The following ATF1 variants were observed in gnomAD, a reference collection of about 807,000 sequenced individuals.
ATF1 encodes the protein cyclic AMP-dependent transcription factor ATF-1.
A neutral mutation model predicts 34.7 loss-of-function variants in ATF1; 16 were observed. The observed-to-expected ratio is 0.46, with a 90% CI of 0.31 to 0.70. The LOEUF (loss-of-function observed/expected upper bound fraction) is 0.70. Among genes scored for constraint, ATF1 ranks in the 30% least tolerant of loss-of-function variants. ATF1 has a pLI of 0.05. For synonymous variants in ATF1, 105 were observed against 113.1 expected (o/e 0.93, Z 0.46); for missense variants, 255 against 321.6 (o/e 0.79, Z 1.58).
At position 50,780,165 on chromosome 12, in the gene ATF1, G is replaced by C; in HGVS notation, c.20G>C (p.Ser7Thr). Residue 7 changes from serine (S) to threonine (T), a missense_variant, in exon 2 of 7, where the codon AGT becomes ACT. Ser to Thr is a moderately conservative substitution (Grantham distance 58). Around this residue, in one of 2 missense-constraint regions of ATF1, gnomAD observed 221 missense variants for 250.7 expected, o/e 0.88. Coordinates refer to ENST00000262053, the MANE Select transcript of ATF1 (RefSeq NM_005171.5). Reference sequence around the variant, plus strand: ...TTGATTATGGAAGATTCCCACAAGAGTACCACGTCAGAGACAGCACCTCAA... The same window carrying C: ...TTGATTATGGAAGATTCCCACAAGACTACCACGTCAGAGACAGCACCTCAA... MEDSHK[S>T]TTSETAPQPG... 6.2e-7 allele frequency: 1 copy of C among 1,613,072 alleles called. No individual in the cohort carries two copies. The highest frequency in any genetic ancestry group is 8.5e-7 in the Non-Finnish European group (1 of 1,179,312).
chr12:50,805,774 T>C (rs1210674965), intron 3 of ATF1, among the ~76,000 whole-genome samples: 1 of 152,120 alleles, frequency 6.6e-6, no homozygotes, highest in South Asian at 2.1e-4. Context: ...ATTTGGAGTT[T>C]TCAGGTCTTG....
At chr12:50,779,575 G>T (rs567060398) in intron 1 of ATF1, among the ~76,000 whole-genome samples, 2 of 149,908 alleles carry the variant, frequency 1.3e-5, no homozygotes, top group Admixed American at 6.6e-5. Flanking sequence ...GGCCTTTCCA[G>T]GTAACCTTTA....
intron 1 of ATF1, among the ~76,000 whole-genome samples, chr12:50,779,488 A>C (rs1029327886): frequency 1.3e-5 from 2 of 150,630 alleles, no homozygotes; most frequent in East Asian, 3.9e-4. Flanking sequence ...TGTAGTTTTC[A>C]GTGCATTTCC....
At chr12:50,783,612 G>A (rs1565904945) in intron 2 of ATF1, among the ~76,000 whole-genome samples, 1 of 152,096 alleles carries the variant, frequency 6.6e-6, no homozygotes, top group African/African-American at 2.4e-5. Context: ...GCTCATGCCT[G>A]TAATCCCAGC....
At chr12:50,795,782 A>T in intron 2 of ATF1, 127 bp from the exon 3 acceptor site, 1 of 733,940 alleles carries the variant, frequency 1.4e-6, no homozygotes, top group Non-Finnish European at 2.3e-6. Flanking sequence ...TTTCTTTTAG[A>T]CTTTAGATTT....
intron 3 of ATF1, among the ~76,000 whole-genome samples, chr12:50,798,343 C>T (rs916750967): frequency 6.6e-6 from 1 of 150,874 alleles, no homozygotes; most frequent in Non-Finnish European, 1.5e-5. Context: ...GAGTCTCGCT[C>T]TGTCATCCAG....
intron 3 of ATF1, among the ~76,000 whole-genome samples, chr12:50,806,750 C>T (rs1941624133): frequency 1.3e-5 from 2 of 151,800 alleles, no homozygotes; most frequent in Admixed American, 6.6e-5. Context: ...GAGCTCTACT[C>T]TAGACCTACT....
In ATF1 at chr12:50,819,694, G is replaced by A; in HGVS notation, c.731G>A (p.Arg244Gln). 1.2e-6 allele frequency: 2 copies of A among 1,612,540 alleles called. No homozygotes were observed. The highest frequency in any genetic ancestry group is 8.5e-7 in the Non-Finnish European group (1 of 1,179,168). The part of the protein sequence containing the change: ...KKEYVKCLEN[R>Q]VAVLENQNKT... The stretch of plus-strand genomic sequence containing the variant: ...GAATATGTGAAATGCCTGGAAAACC[G>A]AGTTGCAGTCCTGGAAAATCAAAAT... Residue 244 changes from arginine (R) to glutamine (Q), a missense_variant, in exon 7 of 7, where the codon CGA (arginine) becomes CAA (glutamine). Physicochemically the swap from Arg to Gln is conservative, Grantham distance 43 (BLOSUM62 1). Around this residue, in one of 2 missense-constraint regions of ATF1, gnomAD observed 34 missense variants for 70.8 expected, o/e 0.48. Transcript: ENST00000262053.
chr12:50,777,240 G>A (rs1940946815), intron 1 of ATF1, among the ~76,000 whole-genome samples: 1 of 152,076 alleles, frequency 6.6e-6, no homozygotes, highest in Non-Finnish European at 1.5e-5. Context: ...AGGATACAAA[G>A]TAGTACATGT....
At chr12:50,806,075 T>C (rs1941610000) in intron 3 of ATF1, among the ~76,000 whole-genome samples, 1 of 150,634 alleles carries the variant, frequency 6.6e-6, no homozygotes, top group African/African-American at 2.4e-5. Context: ...TGCTCGAACC[T>C]GGGAGGCAGA....
In ATF1 at chr12:50,809,530, C is replaced by T; in HGVS notation, c.269C>T (p.Ala90Val). ...KGDGENSGVS[A>V]AVTSMSVPTP... ...GACGGAGAAAATTCTGGAGTTTCTG[C>T]TGCTGTCACTTCTATGTCTGTTCCA... is the stretch of plus-strand genomic sequence containing the variant. Residue 90 changes from alanine to valine, a missense_variant, in exon 4 of 7, where the codon GCT becomes GTT. By Grantham distance (64) the Ala-to-Val change is moderately conservative. Transcript: ENST00000262053. 2.5e-6 allele frequency: 4 copies of T among 1,613,702 alleles called. No homozygotes were observed.
chr12:50,767,266 C>T (rs1940660016), intron 1 of ATF1, among the ~76,000 whole-genome samples: 1 of 151,648 alleles, frequency 6.6e-6, no homozygotes, highest in Non-Finnish European at 1.5e-5. Flanking sequence ...GCCTGTAATC[C>T]CAGCACTTTG....
At chr12:50,794,565 A>C (rs1035747972) in intron 2 of ATF1, among the ~76,000 whole-genome samples, 15 of 146,046 alleles carry the variant, frequency 1.0e-4, no homozygotes, top group African/African-American at 3.5e-4. Flanking sequence ...ACTCCATCTC[A>C]AAAAAAAAAA....
chr12:50,809,457 A>C lies in ATF1; in HGVS notation c.196A>C (p.Lys66Gln), dbSNP rs1302135832. 1 of 1,609,734 alleles carries C rather than the reference A, an allele frequency of 6.2e-7. No homozygotes were observed. The highest frequency in any genetic ancestry group is 8.5e-7 in the Non-Finnish European group (1 of 1,177,964). The change falls in exon 4 of 7, where the codon AAA becomes CAA. Residue 66 changes from lysine (K) to glutamine (Q), a missense_variant and splice_region_variant. By Grantham distance (53) the Lys-to-Gln change is moderately conservative. Transcript: ENST00000262053. ...GILARRPSYR[K>Q]ILKDLSSEDT... ...ATAGAGTTCTGGTTTTTTTTACAGA[A>C]AAATTTTGAAAGACTTATCTTCTGA...
chr12:50,785,284 TACACACACACACACAC>T (rs56040362), intron 2 of ATF1, among the ~76,000 whole-genome samples: 29,062 of 128,378 alleles, frequency 0.23, 3,998 homozygotes, highest in Middle Eastern at 0.3. Context: ...TATATATACA[TACACACACACACACAC>T]ACACACACAC....
intron 1 of ATF1, among the ~76,000 whole-genome samples, chr12:50,768,508 A>G (rs942676590): frequency 2.0e-5 from 3 of 152,224 alleles, no homozygotes; most frequent in Non-Finnish European, 4.4e-5. Flanking sequence ...CTGTTCTTCC[A>G]AGGGCTCCAC....
At chr12:50,783,639 G>T (rs942488230) in intron 2 of ATF1, among the ~76,000 whole-genome samples, 3 of 152,114 alleles carry the variant, frequency 2.0e-5, no homozygotes, top group African/African-American at 7.2e-5. Context: ...GGAGGCCGAG[G>T]CGGGTAGATC....
chr12:50,783,133 A>AAGGGG (rs1313156494), intron 2 of ATF1, among the ~76,000 whole-genome samples: 4 of 152,336 alleles, frequency 2.6e-5, no homozygotes, highest in African/African-American at 9.6e-5. Context: ...TTGTATTTTG[A>AAGGGG]AATGAACTGC....
In ATF1 at chr12:50,819,764, C is replaced by A; in HGVS notation, c.801C>A (p.Ser267=). Residue 267 remains serine, a synonymous_variant, in exon 7 of 7, where the codon TCC becomes TCA. Transcript: ENST00000262053. The part of the protein sequence containing the change: ...EELKTLKDLY[S]NKSV Reference sequence around the variant, plus strand: ...TAAAAACTTTGAAGGATCTTTATTCCAATAAAAGTGTTTGATTCCTAAGAA... The same window carrying A: ...TAAAAACTTTGAAGGATCTTTATTCAAATAAAAGTGTTTGATTCCTAAGAA... 6.5e-7 allele frequency: 1 copy of A among 1,546,744 alleles called. No homozygotes were observed. The highest frequency in any genetic ancestry group is 8.8e-7 in the Non-Finnish European group (1 of 1,139,098).
Sources: allele counts gnomAD v4.1 joint callset (sites outside exome capture counted in the v4.1 genomes callset), GRCh38; gene constraint gnomAD v4.1.1; regional missense constraint gnomAD v4.1.1; transcripts MANE v1.5; gene names NCBI Gene and HGNC (gene_info 2026-07-23, HGNC 2026-07-21).